Variants in ITPR2 observed in about 807,000 individuals in gnomAD.
ITPR2 encodes the protein inositol 1,4,5-trisphosphate receptor type 2.
In ITPR2, 207 loss-of-function variants were observed where a neutral mutation model predicts 317.1. The observed-to-expected ratio is 0.65, with a 90% confidence interval of 0.58 to 0.73. The LOEUF (loss-of-function observed/expected upper bound fraction) is 0.73. Among genes scored for constraint, ITPR2 ranks in the 30% least tolerant of loss-of-function variants. The probability of loss-of-function intolerance (pLI) is 0.00; values close to 1 mark genes in which losing one functional copy is unlikely to be tolerated. For missense variants in ITPR2, 2,613 were observed against 3,284.0 expected, an observed-to-expected ratio of 0.80 and a Z score of 4.99; for synonymous variants, 1,156 against 1,149.1, an observed-to-expected ratio of 1.01 and a Z score of -0.12.
chr12:26,568,014 A>ATAT (rs764436104), intron 34 of ITPR2, among the ~76,000 whole-genome samples: 1 of 68,218 alleles, frequency 1.5e-5, no homozygotes, highest in African/African-American at 7.7e-5. Context: ...TATTATATAT[A>ATAT]TATATATATA....
At chr12:26,732,928 A>C (rs1316663984) in intron 2 of ITPR2, among the ~76,000 whole-genome samples, 1 of 152,220 alleles carries the variant, frequency 6.6e-6, no homozygotes, top group East Asian at 1.9e-4. Context: ...TATCATTTTT[A>C]TTACCAAATA....
chr12:26,562,763 T>C (rs969476038), intron 34 of ITPR2, among the ~76,000 whole-genome samples: 2 of 149,656 alleles, frequency 1.3e-5, no homozygotes, highest in African/African-American at 4.9e-5. Flanking sequence ...CCAGGGCCTG[T>C]TGAGGGGTGG....
intron 23 of ITPR2, among the ~76,000 whole-genome samples, chr12:26,625,639 G>A (rs1946606246): frequency 6.6e-6 from 1 of 152,024 alleles, no homozygotes. Context: ...AGTTACAAAG[G>A]TGCCTCTTAT....
At chr12:26,361,266 T>C (rs554491495) in intron 55 of ITPR2, among the ~76,000 whole-genome samples, 1 of 151,884 alleles carries the variant, frequency 6.6e-6, no homozygotes, top group Admixed American at 6.5e-5. Flanking sequence ...GGAAGTTGGG[T>C]TTTGAATTAT....
chr12:26,616,309 T>C (rs1946373416), intron 26 of ITPR2, among the ~76,000 whole-genome samples: 1 of 151,908 alleles, frequency 6.6e-6, no homozygotes, highest in South Asian at 2.1e-4. Flanking sequence ...AGCTAATTTT[T>C]TGTATTTTTA....
intron 52 of ITPR2, chr12:26,406,529 C>T (rs1940359467): frequency 6.6e-6 from 1 of 150,508 alleles, no homozygotes; most frequent in Admixed American, 6.6e-5. Flanking sequence ...TCCACAGGAG[C>T]CCTCTGAGGG....
chr12:26,822,737 T>C (rs555266805), intron 1 of ITPR2, among the ~76,000 whole-genome samples: 20 of 152,332 alleles, frequency 1.3e-4, no homozygotes, highest in African/African-American at 3.8e-4. Context: ...CTGGGCTTTA[T>C]AGTACTAGCC....
chr12:26,760,292 G>T (rs1281496282), intron 2 of ITPR2, among the ~76,000 whole-genome samples: 2 of 152,178 alleles, frequency 1.3e-5, no homozygotes, highest in African/African-American at 4.8e-5. Context: ...TTCTTACAGA[G>T]AATGGGAGTA....
At chr12:26,713,344 G>A (rs1444991500) in intron 8 of ITPR2, among the ~76,000 whole-genome samples, 2 of 152,130 alleles carry the variant, frequency 1.3e-5, no homozygotes, top group Non-Finnish European at 2.9e-5. Flanking sequence ...GCCCAACTGT[G>A]ACAGCACACA....
chr12:26,348,970 A>G (rs1938394207), intron 55 of ITPR2, among the ~76,000 whole-genome samples: 1 of 152,222 alleles, frequency 6.6e-6, no homozygotes. Context: ...CAACAGAGCA[A>G]GACCTCATCT....
intron 34 of ITPR2, among the ~76,000 whole-genome samples, chr12:26,565,298 T>G (rs1442270057): frequency 6.6e-6 from 1 of 152,224 alleles, no homozygotes; most frequent in African/African-American, 2.4e-5. Context: ...TTTCCATGGT[T>G]AGGAAATTCT....
chr12:26,828,137 T>A (rs1951036108), intron 1 of ITPR2, among the ~76,000 whole-genome samples: 1 of 152,214 alleles, frequency 6.6e-6, no homozygotes, highest in Non-Finnish European at 1.5e-5. Flanking sequence ...CAAGGCCATA[T>A]GGCTAATTAG....
chr12:26,488,587 AAAG>A (rs1942726025), intron 39 of ITPR2, among the ~76,000 whole-genome samples: 2 of 152,218 alleles, frequency 1.3e-5, no homozygotes. Flanking sequence ...AACCCTCAAG[AAAG>A]AAGGCCAAAA....
chr12:26,340,354 C>G (rs1470045146), intron 55 of ITPR2, 26 bp from the exon 56 acceptor site: 6 of 1,569,972 alleles, frequency 3.8e-6, no homozygotes, highest in Non-Finnish European at 4.3e-6. Context: ...TGTGTGCGAA[C>G]AAGGGAATAA....
At chr12:26,723,626 A>G (rs1230414937) in intron 4 of ITPR2, among the ~76,000 whole-genome samples, 1 of 152,164 alleles carries the variant, frequency 6.6e-6, no homozygotes, top group Non-Finnish European at 1.5e-5. Flanking sequence ...AGCTTCTCTC[A>G]TCTTATCCCA....
chr12:26,440,397 A>G (rs895702890), intron 46 of ITPR2, among the ~76,000 whole-genome samples: 2 of 152,188 alleles, frequency 1.3e-5, no homozygotes, highest in African/African-American at 4.8e-5. Context: ...TCAGCATGAT[A>G]AGGAACCTAG....
chr12:26,634,762 GT>G (rs1350148374), intron 21 of ITPR2, among the ~76,000 whole-genome samples: 1 of 151,646 alleles, frequency 6.6e-6, no homozygotes, highest in Non-Finnish European at 1.5e-5. Context: ...GTGGGCACTG[GT>G]AATTTCAGCT....
intron 54 of ITPR2, among the ~76,000 whole-genome samples, chr12:26,392,587 G>A (rs1430098198): frequency 1.3e-5 from 2 of 152,164 alleles, no homozygotes; most frequent in Admixed American, 6.6e-5. Flanking sequence ...CTGGAGAACA[G>A]TAGGCATGCA....
At chr12:26,543,084 A>AT (rs2040175726) in intron 37 of ITPR2, among the ~76,000 whole-genome samples, 1 of 152,182 alleles carries the variant, frequency 6.6e-6, no homozygotes, top group Non-Finnish European at 1.5e-5. Context: ...CTTGATGAAA[A>AT]TGTATACTAA....
Sources: allele counts gnomAD v4.1 joint callset (sites outside exome capture counted in the v4.1 genomes callset), GRCh38; gene constraint gnomAD v4.1.1; transcripts MANE v1.5; gene names NCBI Gene and HGNC (gene_info 2026-07-23, HGNC 2026-07-21).